Variants in PCNX3 observed in about 807,000 individuals in gnomAD.
The protein encoded by PCNX3 is pecanex-like protein 3.
PCNX3 carries 58 observed loss-of-function variants against 207.2 expected under a neutral mutation model. That is an observed-to-expected ratio of 0.28 (90% CI 0.23 to 0.35). The LOEUF (loss-of-function observed/expected upper bound fraction) is 0.35. PCNX3 is among the 10% of genes least tolerant of loss of function. The pLI is 1.00. For synonymous variants in PCNX3, 1,337 were observed against 1,183.5 expected, an observed-to-expected ratio of 1.13 and a Z score of -2.66; for missense variants, 2,410 against 2,774.4, an observed-to-expected ratio of 0.87 and a Z score of 2.95.
intron 1 of PCNX3, 73 bp downstream of exon 1, chr11:65,616,537 C>T: frequency 6.7e-7 from 1 of 1,493,212 alleles, no homozygotes; most frequent in Non-Finnish European, 9.0e-7. Context: ...AGGGCAGTGC[C>T]CTGGGCTCTG....
intron 8 of PCNX3, 84 bp from the exon 9 acceptor site, chr11:65,620,254 AT>A: frequency 7.4e-7 from 1 of 1,346,734 alleles, no homozygotes; most frequent in South Asian, 1.4e-5. Context: ...GTTCTGCCTC[AT>A]TTGATGGGTC....
rs1854706286 is a variant in PCNX3 at position 65,616,001 on chromosome 11, C to T, written c.-311C>T. 1 of 211,250 alleles carries T rather than the reference C, an allele frequency of 4.7e-6. No individual in the cohort carries two copies. The allele number at this position is 211,250 out of a possible 1,614,324, so 13.1% of individuals were successfully genotyped here. ...CACCTCTGGATGCCGCCGACGGGTACCCGGCCCGTGCCCCGCGCCTGCCTG... is the reference window on the plus strand; with the variant it reads ...CACCTCTGGATGCCGCCGACGGGTATCCGGCCCGTGCCCCGCGCCTGCCTG... On this transcript the variant is annotated 5_prime_UTR_variant, in exon 1 of 35. Transcript: ENST00000355703.
At chr11:65,617,073 C>A (rs994033088) in intron 2 of PCNX3, 62 bp downstream of exon 2, 1 of 1,504,386 alleles carries the variant, frequency 6.6e-7, no homozygotes, top group Admixed American at 2.0e-5. Context: ...CGGAACCTTG[C>A]AGGGTGGAGT....
At position 65,625,459 on chromosome 11, in the gene PCNX3, A is replaced by G. The variant is rs1289433523; in HGVS notation, c.3084A>G (p.Thr1028=). 2 of 1,554,084 alleles carry G rather than the reference A, an allele frequency of 1.3e-6. No individual in the cohort carries two copies. Among genetic ancestry groups the G allele is most frequent in the East Asian group, 2.5e-5 (1 of 39,698 alleles). ...FPELEERSLE[T]ARAEPPDPLP... ...AGCTGGAGGAGCGCAGCTTGGAGAC[A>G]GCCCGGGCCGAGCCCCCGGACCCCT... Residue 1028 remains threonine, a synonymous_variant, in exon 18 of 35, where the codon ACA becomes ACG. Coordinates refer to ENST00000355703, the MANE Select transcript of PCNX3 (RefSeq NM_032223.4). This position sits in a 1 kb window ranked among gnomAD's most constrained non-coding sequence, Gnocchi z 5.6.
In PCNX3 at chr11:65,620,849, C is replaced by T. The variant is rs1426095104; in HGVS notation, c.2118C>T (p.Ser706=). 2.5e-6 allele frequency: 4 copies of T among 1,594,104 alleles called. No individual in the cohort carries two copies. The highest frequency in any genetic ancestry group is 2.7e-5 in the African/African-American group (2 of 74,464). The change falls in exon 10 of 35, where the codon TCC becomes TCT. Residue 706 remains serine (S), a synonymous_variant. Transcript: ENST00000355703. Reference sequence around the variant, plus strand: ...CTCACAGGGACCGACACTCGCATTCCTCCAGCTTCCACTCGGCTGATGTCC... The same window carrying T: ...CTCACAGGGACCGACACTCGCATTCTTCCAGCTTCCACTCGGCTGATGTCC... ...ANGAWDRHSH[S]SSFHSADVPE...
At chr11:65,626,161 G>A (rs1310012607) in intron 20 of PCNX3, 107 bp downstream of exon 20, 8 of 1,409,734 alleles carry the variant, frequency 5.7e-6, no homozygotes, top group East Asian at 5.0e-5. Context: ...GGGGGCACTC[G>A]CTGCCCACAC....
At chr11:65,623,733 G>C (rs1855231840) in intron 12 of PCNX3, 89 bp downstream of exon 12, 1 of 1,551,854 alleles carries the variant, frequency 6.4e-7, no homozygotes, top group Admixed American at 1.9e-5. Flanking sequence ...AGTATAAGCT[G>C]AAAGGTAGAT....
At position 65,624,204 on chromosome 11, in the gene PCNX3, T is replaced by C. The variant is rs1397976745; in HGVS notation, c.2554T>C (p.Trp852Arg). Residue 852 changes from tryptophan (W) to arginine (R), a missense_variant, in exon 14 of 35, where the codon TGG (tryptophan) becomes CGG (arginine). By Grantham distance (101) the Trp-to-Arg change is moderately radical. This residue lies in a region of PCNX3 where 177 missense variants were observed against 257.5 expected (regional missense o/e 0.69). Coordinates refer to ENST00000355703, the MANE Select transcript of PCNX3 (RefSeq NM_032223.4). ...DAASPMHGHN[W>R]VIAYSRPVYF... Reference sequence around the variant, plus strand: ...TGGGCTGACCCCTCAGGGCCACAACTGGGTGATCGCGTACAGCCGTCCTGT... The same window carrying C: ...TGGGCTGACCCCTCAGGGCCACAACCGGGTGATCGCGTACAGCCGTCCTGT... 28 of 1,605,332 alleles carry C rather than the reference T, an allele frequency of 1.7e-5. No individual in the cohort carries two copies. The highest frequency in any genetic ancestry group is 2.4e-5 in the Non-Finnish European group (28 of 1,177,196).
At position 65,616,078 on chromosome 11, in the gene PCNX3, C is replaced by T; in HGVS notation, c.-234C>T. ...GGGCCAGGAGTGGGGACCCGGACCC[C>T]GCCCCTGATGCAGCCCCACCCCCGC... On this transcript the variant is annotated 5_prime_UTR_variant, in exon 1 of 35. Transcript: ENST00000355703. The T allele has an allele frequency of 3.1e-6, 1 of 327,622 alleles. No individual in the cohort carries two copies. Among genetic ancestry groups the T allele is most frequent in the Non-Finnish European group, 5.5e-6 (1 of 181,664 alleles). The allele number at this position is 327,622 out of a possible 1,614,324, so 20.3% of individuals were successfully genotyped here.
chr11:65,634,547 C>G lies in PCNX3; in HGVS notation c.4711C>G (p.Gln1571Glu). ...GGTCCTTATGCCACAGCCCGTGGAC[C>G]AGGATTGGAACTCCCCGCTGGTCAC... The part of the protein sequence containing the change: ...CASRRSQPVD[Q>E]DWNSPLVTLC... The change falls in exon 29 of 35, where the codon CAG becomes GAG. Residue 1571 changes from glutamine (Q) to glutamate (E), a missense_variant. Transcript: ENST00000355703. The G allele has an allele frequency of 6.3e-7, 1 of 1,596,786 alleles. No individual in the cohort carries two copies. The highest frequency in any genetic ancestry group is 8.5e-7 in the Non-Finnish European group (1 of 1,174,714).
chr11:65,621,866 C>T (rs116823096), intron 10 of PCNX3, among the ~76,000 whole-genome samples: 179 of 152,354 alleles, frequency 1.2e-3, no homozygotes, highest in African/African-American at 4.1e-3. Context: ...GTGACAGTGA[C>T]AGGCCCTGTC....
intron 20 of PCNX3, 123 bp downstream of exon 20, chr11:65,626,177 T>C (rs1484249530): frequency 1.5e-6 from 2 of 1,318,508 alleles, no homozygotes; most frequent in East Asian, 2.5e-5. Flanking sequence ...CACACTACCC[T>C]TTCTGCTCCC....
At position 65,616,414 on chromosome 11, in the gene PCNX3, C is replaced by T; in HGVS notation, c.103C>T (p.His35Tyr). Residue 35 changes from histidine to tyrosine, a missense_variant, in exon 1 of 35, where the codon CAC (histidine) becomes TAC (tyrosine). By Grantham distance (83) the His-to-Tyr change is moderately conservative (BLOSUM62 2). Coordinates refer to ENST00000355703, the MANE Select transcript of PCNX3 (RefSeq NM_032223.4). ...CCAGAGCACCTTCTCCAACTGCTTC[C>T]ACCTCTATGTCTGGATCTTCCTGCT... ...PHQSTFSNCF[H>Y]LYVWIFLLIF... is the part of the protein sequence containing the mutation. 1 of 1,610,568 alleles carries T rather than the reference C, an allele frequency of 6.2e-7. No homozygotes were observed. The highest frequency in any genetic ancestry group is 8.5e-7 in the Non-Finnish European group (1 of 1,179,522).
rs540673490 is a variant in PCNX3 at position 65,627,696 on chromosome 11, C to A, written c.3702+114C>A. On this transcript the variant is annotated intron_variant, in intron 22 of 34. Transcript: ENST00000355703. The stretch of plus-strand genomic sequence containing the variant: ...CCTGTGGCCACCGCTCTGTATCAGC[C>A]CCGTGGGCCTTTGCAGCAGCCTCTC... 3.8e-4 allele frequency: 487 copies of A among 1,294,848 alleles called. 3 individuals are homozygous for A. The highest frequency in any genetic ancestry group is 1.6e-3 in the South Asian group (118 of 73,814). The allele number at this position is 1,294,848 out of a possible 1,614,324, so 80.2% of individuals were successfully genotyped here.
chr11:65,620,750 C>A, intron 9 of PCNX3, 81 bp from the exon 10 acceptor site: 5 of 1,535,652 alleles, frequency 3.3e-6, no homozygotes, highest in Non-Finnish European at 4.4e-6. Flanking sequence ...GCCCTACCTG[C>A]CTGGCCTTGG....
At chr11:65,624,672 C>A in intron 15 of PCNX3, 91 bp downstream of exon 15, 2 of 1,217,794 alleles carry the variant, frequency 1.6e-6, no homozygotes, top group Non-Finnish European at 2.3e-6. Flanking sequence ...CCTTGCGGAA[C>A]CTTCTCCTGC....
chr11:65,622,514 G>A, intron 11 of PCNX3, 148 bp downstream of exon 11: 1 of 1,076,928 alleles, frequency 9.3e-7, no homozygotes, highest in South Asian at 1.7e-5. Flanking sequence ...GTCTGCAGTG[G>A]TGGTTTCTAT....
At chr11:65,619,132 G>C (rs1005050342) in intron 6 of PCNX3, 65 bp downstream of exon 6, 15 of 1,346,608 alleles carry the variant, frequency 1.1e-5, no homozygotes, top group Non-Finnish European at 1.5e-5. Flanking sequence ...TTGGGCAAAG[G>C]GCAGGTAAGA....
At position 65,634,647 on chromosome 11, in the gene PCNX3, T is replaced by C; in HGVS notation, c.4805+6T>C. 1 of 1,576,876 alleles carries C rather than the reference T, an allele frequency of 6.3e-7. No homozygotes were observed. Among genetic ancestry groups the C allele is most frequent in the Non-Finnish European group, 8.6e-7 (1 of 1,167,830 alleles). On this transcript the variant is annotated splice_donor_region_variant and intron_variant, in intron 29 of 34. Transcript: ENST00000355703. ...TCTCACAGCATGTCTGCAAGGTGAG[T>C]GCTCGGGTGTCCCGCGGGGCCTACT...
Sources: gnomAD v4.1 joint callset for allele counts (sites outside exome capture counted in the v4.1 genomes callset) on GRCh38, gnomAD v4.1.1 for gene constraint, gnomAD v4.1.1 regional missense constraint, Gnocchi (gnomAD v3.1) non-coding constraint, MANE v1.5 for transcripts, NCBI Gene and HGNC (gene_info 2026-07-23, HGNC 2026-07-21) for gene names.